Variants in ACTN1 observed in about 807,000 individuals in gnomAD.
ACTN1 encodes the protein actinin alpha 1.
Under a neutral mutation model 119.6 loss-of-function variants are expected in ACTN1, and 30 were observed. The ratio of observed to expected loss-of-function variants is 0.25; its 90% confidence interval spans 0.19 to 0.34. The LOEUF (loss-of-function observed/expected upper bound fraction) is 0.34. Among genes scored for constraint, ACTN1 ranks in the 10% least tolerant of loss-of-function variants. The probability of loss-of-function intolerance (pLI) is 1.00; values close to 1 mark genes in which losing one functional copy is unlikely to be tolerated. For missense variants in ACTN1, 764 were observed against 1,223.4 expected, an observed-to-expected ratio of 0.62 and a Z score of 5.60; for synonymous variants, 429 against 472.6, an observed-to-expected ratio of 0.91 and a Z score of 1.20.
chr14:68,910,115 GC>G, intron 4 of ACTN1, 73 bp from the exon 5 acceptor site: 2 of 1,295,592 alleles, frequency 1.5e-6, no homozygotes, highest in Non-Finnish European at 1.1e-6. Context: ...CTCACAGGAG[GC>G]CCCACTGTGA....
intron 1 of ACTN1, among the ~76,000 whole-genome samples, chr14:68,957,323 T>A (rs2036382367): frequency 6.6e-6 from 1 of 152,184 alleles, no homozygotes; most frequent in Non-Finnish European, 1.5e-5. Context: ...ACCTGTGACC[T>A]CCAGCTGTGG....
At chr14:68,970,332 G>A (rs1271347685) in intron 1 of ACTN1, among the ~76,000 whole-genome samples, 1 of 152,120 alleles carries the variant, frequency 6.6e-6, no homozygotes, top group Non-Finnish European at 1.5e-5. Flanking sequence ...AAACTCCCCA[G>A]CCCTGTAACA....
At chr14:68,904,354 T>C (rs1374123516) in intron 7 of ACTN1, among the ~76,000 whole-genome samples, 1 of 152,034 alleles carries the variant, frequency 6.6e-6, no homozygotes, top group Non-Finnish European at 1.5e-5. Flanking sequence ...CAAGGGCACA[T>C]TTCCCCACAC....
rs146493427 is a variant in ACTN1, at chr14:68,887,119, A to G, written c.1235-1544T>C. 34 of 174,252 alleles carry G rather than the reference A, an allele frequency of 2.0e-4. No homozygotes were observed. The East Asian group carries it at 4.0e-3, about 21-fold the overall frequency. 10.8% of individuals were successfully genotyped at this position (174,252 alleles called of 1,614,324 possible). A position where few individuals can be genotyped will look rare whatever the true frequency, so the allele number is the denominator to read the frequency against. On this transcript the variant is annotated intron_variant, in intron 11 of 21. Transcript: ENST00000394419. Reference sequence around the variant, plus strand: ...TTTAAAGTTATTCCAGTGACTTTCCAGCTTAAAATCGGGAAGCAAATTTTC... The same window carrying G: ...TTTAAAGTTATTCCAGTGACTTTCCGGCTTAAAATCGGGAAGCAAATTTTC...
Position 68,879,233 on chromosome 14 carries a change from G to A in ACTN1, c.2281-164C>T, listed in dbSNP as rs1413983580. ...GAGGAGGGGAAATAAAAGTGCACACGGTTAGACACACCAACGAGGCTCCAG... is the reference window on the plus strand; with the variant it reads ...GAGGAGGGGAAATAAAAGTGCACACAGTTAGACACACCAACGAGGCTCCAG... On this transcript the variant is annotated intron_variant, in intron 18 of 21. Transcript: ENST00000394419. The surrounding 1 kb of genome is among the most constrained non-coding windows in gnomAD (Gnocchi z 4.9). Among the ~76,000 whole-genome samples, 2 of 151,680 alleles carry A rather than the reference G, an allele frequency of 1.3e-5. No homozygotes were observed. Among genetic ancestry groups the A allele is most frequent in the Admixed American group, 6.6e-5 (1 of 15,266 alleles).
At position 68,925,534 on chromosome 14, in the gene ACTN1, G is replaced by A. The variant is rs139294131; in HGVS notation, c.220+24C>T. The A allele has an allele frequency of 5.3e-5, 84 of 1,591,874 alleles. No individual in the cohort carries two copies. Among genetic ancestry groups the A allele is most frequent in the African/African-American group, 1.6e-4 (12 of 74,452 alleles). ...AGGCAGCACCAATAGACAGTATCTC[G>A]TCCTGGGCCAGGTTCCGCCTCACCT... On this transcript the variant is annotated intron_variant, in intron 2 of 21. Transcript: ENST00000394419. The surrounding 1 kb of genome is among the most constrained non-coding windows in gnomAD (Gnocchi z 4.3).
chr14:68,928,010 T>C (rs1356501908), intron 1 of ACTN1, among the ~76,000 whole-genome samples: 1 of 152,094 alleles, frequency 6.6e-6, no homozygotes, highest in African/African-American at 2.4e-5. Context: ...AGGTTTTCTA[T>C]TTCCTTGAGG....
chr14:68,930,374 C>T (rs1242673664), intron 1 of ACTN1, among the ~76,000 whole-genome samples: 1 of 152,162 alleles, frequency 6.6e-6, no homozygotes, highest in African/African-American at 2.4e-5. Context: ...AGTGGTAGTT[C>T]CTACCGTCAT....
intron 7 of ACTN1, among the ~76,000 whole-genome samples, chr14:68,903,512 G>A (rs2033474710): frequency 6.6e-6 from 1 of 151,278 alleles, no homozygotes; most frequent in Non-Finnish European, 1.5e-5. Context: ...ACTCCAGCCT[G>A]GGTGACACAG....
chr14:68,932,766 T>A, intron 1 of ACTN1, among the ~76,000 whole-genome samples: 1 of 151,894 alleles, frequency 6.6e-6, no homozygotes, highest in East Asian at 1.9e-4. Flanking sequence ...GTCTGAAAAA[T>A]TTTTTGGTGG....
At chr14:68,953,259 G>C (rs2268975) in intron 1 of ACTN1, among the ~76,000 whole-genome samples, 2 of 151,988 alleles carry the variant, frequency 1.3e-5, no homozygotes, top group African/African-American at 4.8e-5. Context: ...CCCCAATGCC[G>C]GGCTGGTTGT....
chr14:68,978,997 G>C lies in ACTN1; in HGVS notation c.60C>G (p.Asp20Glu). ...AGGCCGGGTCCAGGAGCAGGTCCCG[G>C]TCCCAGTCCTCTTCTGGCTGCATGT... ...NDYMQPEEDW[D>E]RDLLLDPAWE... is the part of the protein sequence containing the mutation. The change falls in exon 1 of 22, where the codon GAC becomes GAG. Residue 20 changes from aspartate (D) to glutamate (E), a missense_variant. Asp to Glu is a conservative substitution (Grantham distance 45). Around this residue, in one of 4 missense-constraint regions of ACTN1, gnomAD observed 64 missense variants for 80.0 expected, o/e 0.80. Transcript: ENST00000394419. 6.2e-7 allele frequency: 1 copy of C among 1,604,156 alleles called. No homozygotes were observed. Among genetic ancestry groups the C allele is most frequent in the Non-Finnish European group, 8.5e-7 (1 of 1,174,996 alleles).
At chr14:68,954,239 T>A (rs2036272828) in intron 1 of ACTN1, among the ~76,000 whole-genome samples, 2 of 152,308 alleles carry the variant, frequency 1.3e-5, no homozygotes, top group Middle Eastern at 6.8e-3. Context: ...GGATGGATAG[T>A]TTGTTAAATT....
At chr14:68,895,244 A>C (rs562948912) in intron 8 of ACTN1, among the ~76,000 whole-genome samples, 1 of 152,194 alleles carries the variant, frequency 6.6e-6, no homozygotes, top group African/African-American at 2.4e-5. Context: ...AGGGAGTCAC[A>C]TCCTTAGGCC....
intron 1 of ACTN1, among the ~76,000 whole-genome samples, chr14:68,963,599 C>A (rs2036609177): frequency 6.6e-6 from 1 of 152,238 alleles, no homozygotes; most frequent in South Asian, 2.1e-4. Context: ...CCACCTGGGG[C>A]TGGAACCCAA....
At chr14:68,974,335 A>C (rs2036992485) in intron 1 of ACTN1, 1 of 152,728 alleles carries the variant, frequency 6.5e-6, no homozygotes, top group Admixed American at 6.5e-5. Context: ...TAATCCCAGC[A>C]CTTTGGGAGG....
At chr14:68,908,123 A>G (rs2033780607) in intron 6 of ACTN1, among the ~76,000 whole-genome samples, 1 of 123,034 alleles carries the variant, frequency 8.1e-6, no homozygotes, top group South Asian at 2.7e-4. Context: ...CCTTCAGCAG[A>G]TGGGCCCTTC....
chr14:68,933,299 A>G (rs1047461848), intron 1 of ACTN1, among the ~76,000 whole-genome samples: 15 of 151,964 alleles, frequency 9.9e-5, no homozygotes, highest in Non-Finnish European at 2.2e-4. Context: ...ATACCTGGGT[A>G]ATTTTTTTGT....
chr14:68,966,963 T>A (rs927064), intron 1 of ACTN1, among the ~76,000 whole-genome samples: 114,883 of 152,172 alleles, frequency 0.75, 43,863 homozygotes, highest in East Asian at 1. Flanking sequence ...TCTGATGGGC[T>A]GTTAGCCAAA....
Sources: allele counts gnomAD v4.1 joint callset (sites outside exome capture counted in the v4.1 genomes callset), GRCh38; gene constraint gnomAD v4.1.1; regional missense constraint gnomAD v4.1.1; non-coding constraint Gnocchi (gnomAD v3.1); transcripts MANE v1.5; gene names NCBI Gene and HGNC (gene_info 2026-07-23, HGNC 2026-07-21).